ADGRB3: variants seen among roughly 807,000 people sequenced by gnomAD.
The protein encoded by ADGRB3 is brain-specific angiogenesis inhibitor 3.
In ADGRB3, 37 loss-of-function variants were observed where a neutral mutation model predicts 193.4. That is an observed-to-expected ratio of 0.19 (90% CI 0.15 to 0.25). The LOEUF is 0.25. ADGRB3 is among the 10% of genes least tolerant of loss of function. The probability of loss-of-function intolerance (pLI) is 1.00; values close to 1 mark genes in which losing one functional copy is unlikely to be tolerated. For synonymous variants in ADGRB3, 690 were observed against 644.2 expected (o/e 1.07, Z -1.08); for missense variants, 1,637 against 1,852.9 (o/e 0.88, Z 2.14).
At chr6:69,197,400 C>T (rs1765324472) in intron 17 of ADGRB3, among the ~76,000 whole-genome samples, 1 of 145,006 alleles carries the variant, frequency 6.9e-6, no homozygotes, top group Non-Finnish European at 1.5e-5. Context: ...AAGTGTGCTT[C>T]ATGATTACTA....
intron 3 of ADGRB3, among the ~76,000 whole-genome samples, chr6:68,794,969 T>C (rs1033521): frequency 0.17 from 25,241 of 152,072 alleles, 2,493 homozygotes; most frequent in African/African-American, 0.27. Context: ...AAGTTCTATA[T>C]AAATTTTTAT....
chr6:68,781,885 G>C (rs1209184951), intron 3 of ADGRB3, among the ~76,000 whole-genome samples: 1 of 152,000 alleles, frequency 6.6e-6, no homozygotes, highest in Non-Finnish European at 1.5e-5. Context: ...ACCACCATAG[G>C]GTATTACAAG....
At chr6:68,952,569 A>G (rs1306228656) in intron 6 of ADGRB3, among the ~76,000 whole-genome samples, 1 of 152,134 alleles carries the variant, frequency 6.6e-6, no homozygotes, top group Non-Finnish European at 1.5e-5. Flanking sequence ...TAATAGTGCA[A>G]TTACACCAAC....
intron 31 of ADGRB3, among the ~76,000 whole-genome samples, chr6:69,386,916 A>C (rs1770083965): frequency 1.3e-5 from 2 of 152,090 alleles, no homozygotes; most frequent in Admixed American, 6.6e-5. Context: ...TTTAACCTCC[A>C]TTTAACTATA....
chr6:69,319,036 T>C (rs1284508367), intron 20 of ADGRB3, among the ~76,000 whole-genome samples: 1 of 151,110 alleles, frequency 6.6e-6, no homozygotes, highest in Non-Finnish European at 1.5e-5. Flanking sequence ...TTCTGGTTTG[T>C]TAATTTCCGA....
intron 20 of ADGRB3, among the ~76,000 whole-genome samples, chr6:69,288,426 T>C (rs1767598781): frequency 6.6e-6 from 1 of 152,182 alleles, no homozygotes; most frequent in Admixed American, 6.5e-5. Flanking sequence ...ATGTACCACA[T>C]TTTCTTTTTA....
chr6:69,290,895 T>G (rs767151606), intron 20 of ADGRB3, among the ~76,000 whole-genome samples: 9 of 152,174 alleles, frequency 5.9e-5, no homozygotes, highest in Non-Finnish European at 1.3e-4. Context: ...TTTCTAGGCA[T>G]CTAGTATTTT....
intron 17 of ADGRB3, among the ~76,000 whole-genome samples, chr6:69,105,028 G>C (rs1317598645): frequency 6.6e-6 from 1 of 152,198 alleles, no homozygotes; most frequent in African/African-American, 2.4e-5. Flanking sequence ...TGATCCTCAA[G>C]TAAGTGAAGT....
At chr6:68,709,759 C>T (rs2127315328) in intron 3 of ADGRB3, among the ~76,000 whole-genome samples, 1 of 152,230 alleles carries the variant, frequency 6.6e-6, no homozygotes, top group South Asian at 2.1e-4. Context: ...TTATTTATGT[C>T]AAACTACGTA....
rs1768802573 is a variant in ADGRB3 at position 69,334,567 on chromosome 6, G to C, written c.3188+1559G>C. On this transcript the variant is annotated intron_variant, in intron 24 of 31. Coordinates refer to ENST00000370598, the MANE Select transcript of ADGRB3 (RefSeq NM_001704.3). ...TAGACTTGAACGTAGTACAAGCACA[G>C]CTTTCTAGATCATTTGAACACAAAA... Among the ~76,000 whole-genome samples the C allele has an allele frequency of 2.0e-5, 3 of 152,226 alleles. No homozygotes were observed. In the South Asian group the frequency reaches 6.2e-4, roughly 32 times the overall value.
chr6:68,784,546 A>G (rs996087539), intron 3 of ADGRB3, among the ~76,000 whole-genome samples: 8 of 152,122 alleles, frequency 5.3e-5, no homozygotes, highest in African/African-American at 1.9e-4. Flanking sequence ...TCATGTATAT[A>G]CTTTTTTTCA....
intron 3 of ADGRB3, among the ~76,000 whole-genome samples, chr6:68,855,314 A>T (rs909771046): frequency 6.6e-6 from 1 of 152,182 alleles, no homozygotes; most frequent in Non-Finnish European, 1.5e-5. Context: ...TAGTGTCTTC[A>T]AATAGTTTCC....
intron 30 of ADGRB3, among the ~76,000 whole-genome samples, chr6:69,378,441 G>A (rs1769875267): frequency 6.6e-6 from 1 of 151,950 alleles, no homozygotes; most frequent in South Asian, 2.1e-4. Flanking sequence ...TGTGAGCTTG[G>A]GAAACTTACT....
chr6:68,868,794 C>T (rs1322946623), intron 3 of ADGRB3, among the ~76,000 whole-genome samples: 1 of 151,950 alleles, frequency 6.6e-6, no homozygotes, highest in Non-Finnish European at 1.5e-5. Flanking sequence ...AGACATATGC[C>T]AGATGTGTGA....
intron 3 of ADGRB3, among the ~76,000 whole-genome samples, chr6:68,752,606 A>C (rs1344818554): frequency 1.3e-5 from 2 of 152,170 alleles, no homozygotes; most frequent in Admixed American, 1.3e-4. Context: ...ATATGAAGGC[A>C]TACATTAGCA....
intron 4 of ADGRB3, among the ~76,000 whole-genome samples, chr6:68,932,382 T>G (rs1326606707): frequency 6.6e-6 from 1 of 152,136 alleles, no homozygotes; most frequent in African/African-American, 2.4e-5. Flanking sequence ...CAATTCACAG[T>G]TTTCAGCCAA....
At chr6:68,746,539 A>T (rs1562013784) in intron 3 of ADGRB3, among the ~76,000 whole-genome samples, 1 of 152,064 alleles carries the variant, frequency 6.6e-6, no homozygotes, top group Admixed American at 6.6e-5. Flanking sequence ...AATAGAATTC[A>T]TCCCATTGTG....
At chr6:69,233,202 C>T (rs1249930410) in intron 17 of ADGRB3, 88 bp from the exon 18 acceptor site, 5 of 1,517,716 alleles carry the variant, frequency 3.3e-6, no homozygotes, top group Non-Finnish European at 4.5e-6. Context: ...GTAGACGACT[C>T]TCTCAATTAA....
At chr6:69,239,455 A>C (rs1766339933) in intron 20 of ADGRB3, among the ~76,000 whole-genome samples, 1 of 152,038 alleles carries the variant, frequency 6.6e-6, no homozygotes, top group Non-Finnish European at 1.5e-5. Flanking sequence ...AAGAGTAAAA[A>C]TGTATGTTTA....
Sources: gnomAD v4.1 joint callset for allele counts (sites outside exome capture counted in the v4.1 genomes callset) on GRCh38, gnomAD v4.1.1 for gene constraint, MANE v1.5 for transcripts, NCBI Gene and HGNC (gene_info 2026-07-23, HGNC 2026-07-21) for gene names.